Variants in GPR158 observed in about 807,000 individuals in gnomAD.
GPR158 encodes G protein-coupled receptor 158, also known as metabotropic glycine receptor.
Under a neutral mutation model 78.2 loss-of-function variants are expected in GPR158, and 30 were observed. That is an observed-to-expected ratio of 0.38 (90% CI 0.29 to 0.52). The LOEUF is 0.52. Among genes scored for constraint, GPR158 ranks in the 20% least tolerant of loss-of-function variants. The pLI, the probability that GPR158 is intolerant of heterozygous loss-of-function variation, is 0.83. For synonymous variants in GPR158, 581 were observed against 591.1 expected, an observed-to-expected ratio of 0.98 and a Z score of 0.25; for missense variants, 1,463 against 1,523.5, an observed-to-expected ratio of 0.96 and a Z score of 0.66.
chr10:25,261,977 T>C (rs773797925), intron 2 of GPR158, among the ~76,000 whole-genome samples: 3 of 152,104 alleles, frequency 2.0e-5, no homozygotes, highest in Admixed American at 2.0e-4. Flanking sequence ...CATGACATAA[T>C]TATAAATTTA....
intron 4 of GPR158, among the ~76,000 whole-genome samples, chr10:25,455,224 A>G (rs2130605764): frequency 6.6e-6 from 1 of 152,328 alleles, no homozygotes; most frequent in East Asian, 1.9e-4. Flanking sequence ...AGCAAATGAA[A>G]AATGAGTCTA....
In GPR158 at chr10:25,180,952, A is replaced by T. The variant is rs543605568; in HGVS notation, c.902+4630A>T. On this transcript the variant is annotated intron_variant, in intron 1 of 10. Transcript: ENST00000376351. Reference sequence around the variant, plus strand: ...AATCTCTTTTTAGAAACTAATGAACATTAGTGTCACTGATTCACTGACTGC... The same window carrying T: ...AATCTCTTTTTAGAAACTAATGAACTTTAGTGTCACTGATTCACTGACTGC... Among the ~76,000 whole-genome samples the T allele has an allele frequency of 6.6e-5, 10 of 152,302 alleles. No homozygotes were observed. The South Asian group carries it at 2.1e-3, about 32-fold the overall frequency.
At chr10:25,353,399 A>C (rs962704294) in intron 2 of GPR158, among the ~76,000 whole-genome samples, 1 of 151,962 alleles carries the variant, frequency 6.6e-6, no homozygotes, top group Non-Finnish European at 1.5e-5. Context: ...GATTTCCATA[A>C]CTGATTTTTT....
chr10:25,492,564 T>C (rs1010801697), intron 5 of GPR158, among the ~76,000 whole-genome samples: 3 of 152,284 alleles, frequency 2.0e-5, no homozygotes, highest in African/African-American at 7.2e-5. Flanking sequence ...AAAAATGTTT[T>C]CATGTTTGTA....
chr10:25,222,421 C>A (rs1320527048), intron 2 of GPR158, among the ~76,000 whole-genome samples: 1 of 151,406 alleles, frequency 6.6e-6, no homozygotes, highest in African/African-American at 2.4e-5. Flanking sequence ...TACATTCCCA[C>A]AGCCCCCCCA....
intron 5 of GPR158, among the ~76,000 whole-genome samples, chr10:25,476,860 C>A (rs1032780594): frequency 2.0e-5 from 3 of 152,034 alleles, no homozygotes; most frequent in Non-Finnish European, 1.5e-5. Flanking sequence ...ATGACTGAAA[C>A]CAGGAATCAA....
intron 2 of GPR158, among the ~76,000 whole-genome samples, chr10:25,262,623 C>G (rs1436188058): frequency 1.3e-5 from 2 of 152,072 alleles, no homozygotes; most frequent in East Asian, 3.9e-4. Context: ...GTATGGAGTT[C>G]CTATATACCC....
chr10:25,227,135 T>G (rs1280917869), intron 2 of GPR158, among the ~76,000 whole-genome samples: 4 of 152,216 alleles, frequency 2.6e-5, no homozygotes, highest in Non-Finnish European at 4.4e-5. Flanking sequence ...GGAATAGAGA[T>G]TCTCGAATTG....
intron 2 of GPR158, among the ~76,000 whole-genome samples, chr10:25,384,143 G>T (rs917837701): frequency 6.6e-6 from 1 of 152,012 alleles, no homozygotes; most frequent in East Asian, 1.9e-4. Flanking sequence ...TTCCAGATAT[G>T]CAGGCAGTTG....
At chr10:25,209,110 C>G (rs1485551094) in intron 1 of GPR158, among the ~76,000 whole-genome samples, 1 of 152,296 alleles carries the variant, frequency 6.6e-6, no homozygotes, top group East Asian at 1.9e-4. Flanking sequence ...ACCTCAGCCT[C>G]CCAAAGTGCT....
intron 1 of GPR158, among the ~76,000 whole-genome samples, chr10:25,211,561 C>T (rs1014042078): frequency 2.0e-5 from 3 of 152,146 alleles, no homozygotes; most frequent in Non-Finnish European, 4.4e-5. Context: ...TTCATGAGGG[C>T]GGAGCCCTTA....
At chr10:25,541,781 C>G (rs570630689) in intron 5 of GPR158, among the ~76,000 whole-genome samples, 4 of 151,838 alleles carry the variant, frequency 2.6e-5, no homozygotes, top group East Asian at 3.9e-4. Context: ...ACTAGTATGA[C>G]CTTTGTGGAG....
At chr10:25,590,275 G>A (rs150350459) in intron 8 of GPR158, among the ~76,000 whole-genome samples, 7 of 152,246 alleles carry the variant, frequency 4.6e-5, no homozygotes, top group Middle Eastern at 3.4e-3. Context: ...GAGAACCCTG[G>A]AGACTCCATC....
chr10:25,331,613 C>T (rs1855123769), intron 2 of GPR158, among the ~76,000 whole-genome samples: 1 of 152,104 alleles, frequency 6.6e-6, no homozygotes, highest in South Asian at 2.1e-4. Flanking sequence ...ATAACTTAAC[C>T]TTAAGAAAGG....
At chr10:25,290,006 A>T (rs1201806339) in intron 2 of GPR158, among the ~76,000 whole-genome samples, 1 of 152,196 alleles carries the variant, frequency 6.6e-6, no homozygotes, top group African/African-American at 2.4e-5. Context: ...TAACATTTTC[A>T]CTAATTAGCT....
intron 1 of GPR158, among the ~76,000 whole-genome samples, chr10:25,184,202 T>A (rs573944259): frequency 2.0e-5 from 3 of 152,328 alleles, no homozygotes; most frequent in African/African-American, 7.2e-5. Flanking sequence ...TTTTTATTTT[T>A]TATTTTCTTA....
intron 2 of GPR158, among the ~76,000 whole-genome samples, chr10:25,330,184 T>C (rs1438309246): frequency 6.6e-6 from 1 of 152,172 alleles, no homozygotes; most frequent in Non-Finnish European, 1.5e-5. Flanking sequence ...TAGGATTGTG[T>C]AACATCTGTG....
intron 2 of GPR158, among the ~76,000 whole-genome samples, chr10:25,331,418 A>C (rs1855120508): frequency 6.6e-6 from 1 of 152,210 alleles, no homozygotes. Context: ...AATTAGATGA[A>C]TATCACTCTT....
At position 25,597,857 on chromosome 10, in the gene GPR158, G is replaced by A. The variant is rs1396714266; in HGVS notation, c.2231G>A (p.Arg744Gln). ...ITNNPHLQKK[R>Q]CSKKGLGRSI... ...AACAACCCCCACCTCCAGAAAAAGC[G>A]GTGCTCGAAGAAGGGCCTAGGTCGT... The change falls in exon 11 of 11, where the codon CGG becomes CAG. Residue 744 changes from arginine to glutamine, a missense_variant. Coordinates refer to ENST00000376351, the MANE Select transcript of GPR158 (RefSeq NM_020752.3). 7.7e-6 allele frequency: 12 copies of A among 1,548,768 alleles called. No individual in the cohort carries two copies. The highest frequency in any genetic ancestry group is 2.3e-5 in the East Asian group (1 of 44,172).
Sources: gnomAD v4.1 joint callset for allele counts (sites outside exome capture counted in the v4.1 genomes callset) on GRCh38, gnomAD v4.1.1 for gene constraint, MANE v1.5 for transcripts, NCBI Gene and HGNC (gene_info 2026-07-23, HGNC 2026-07-21) for gene names.